L3MBTL2: variants seen among roughly 807,000 people sequenced by gnomAD.
L3MBTL2 encodes the protein L3MBTL histone methyl-lysine binding protein 2.
A neutral mutation model predicts 86.4 loss-of-function variants in L3MBTL2; 49 were observed. That is an observed-to-expected ratio of 0.57 (90% CI 0.45 to 0.72). The LOEUF is 0.72. Ranked by LOEUF, L3MBTL2 falls within the 30% of genes least tolerant of loss-of-function variation. The probability of loss-of-function intolerance (pLI) is 0.00; values close to 1 mark genes in which losing one functional copy is unlikely to be tolerated. For missense variants in L3MBTL2, 755 were observed against 923.7 expected, an observed-to-expected ratio of 0.82 and a Z score of 2.37; for synonymous variants, 336 against 350.6, an observed-to-expected ratio of 0.96 and a Z score of 0.47.
At chr22:41,206,114 C>T (rs2030190556) in intron 1 of L3MBTL2, 1 of 152,184 alleles carries the variant, frequency 6.6e-6, no homozygotes, top group African/African-American at 2.4e-5. Flanking sequence ...TCCCATGTTC[C>T]TGGGATTACA....
At chr22:41,223,365 C>T (rs2031964546) in intron 8 of L3MBTL2, among the ~76,000 whole-genome samples, 1 of 152,232 alleles carries the variant, frequency 6.6e-6, no homozygotes, top group African/African-American at 2.4e-5. Flanking sequence ...ACAAAAAGAA[C>T]CTCCTCCTCT....
chr22:41,220,903 G>C, intron 7 of L3MBTL2, 35 bp downstream of exon 7: 1 of 1,596,486 alleles, frequency 6.3e-7, no homozygotes, highest in Non-Finnish European at 8.6e-7. Context: ...TCTTGTTCCC[G>C]TAGGGCCCCT....
In L3MBTL2 at chr22:41,225,964, C is replaced by G. The variant is rs1368292927; in HGVS notation, c.1504+23C>G. 6.2e-7 allele frequency: 1 copy of G among 1,611,476 alleles called. No individual in the cohort carries two copies. Among genetic ancestry groups the G allele is most frequent in the Non-Finnish European group, 8.5e-7 (1 of 1,179,060 alleles). ...AAGGTAAGACTAGAGAGGCCACCAC[C>G]TGCTGTCCTTGCCATCAGAAGGGGC... On this transcript the variant is annotated intron_variant, in intron 12 of 16. Coordinates refer to ENST00000216237, the MANE Select transcript of L3MBTL2 (RefSeq NM_031488.5). The surrounding 1 kb of genome is among the most constrained non-coding windows in gnomAD (Gnocchi z 4.1).
At position 41,224,818 on chromosome 22, in the gene L3MBTL2, G is replaced by C. The variant is rs775626844; in HGVS notation, c.1251+17G>C. On this transcript the variant is annotated intron_variant, in intron 10 of 16. Transcript: ENST00000216237. The surrounding 1 kb of genome is among the most constrained non-coding windows in gnomAD (Gnocchi z 4.9). Reference sequence around the variant, plus strand: ...TTCAAGAAGGTGAGGTTCAGCTCTTGGGCGCTTTTCCCCTCAGCCATGGGT... The same window carrying C: ...TTCAAGAAGGTGAGGTTCAGCTCTTCGGCGCTTTTCCCCTCAGCCATGGGT... The C allele has an allele frequency of 3.7e-6, 6 of 1,609,644 alleles. No individual in the cohort carries two copies. In the South Asian group the frequency reaches 6.6e-5, roughly 18 times the overall value.
In L3MBTL2 at chr22:41,230,076, T is replaced by TCCACCCC; in HGVS notation, c.2006-61_2006-60insACCCCCC. 10 of 912,386 alleles carry TCCACCCC rather than the reference T, an allele frequency of 1.1e-5. No individual in the cohort carries two copies. In the South Asian group the frequency reaches 1.3e-4, roughly 12 times the overall value. The allele number at this position is 912,386 out of a possible 1,614,324, so 56.5% of individuals were successfully genotyped here. A position where few individuals can be genotyped will look rare whatever the true frequency, so the allele number is the denominator to read the frequency against. Reference sequence around the variant, plus strand: ...GGAGCCAGGTCCCTTTCCCAGCTCCTCCGCCCCCACCCCTCCCAGAGTTAT... The same window carrying TCCACCCC: ...GGAGCCAGGTCCCTTTCCCAGCTCCTCCACCCCCCGCCCCCACCCCTCCCAGAGTTAT... On this transcript the variant is annotated intron_variant, in intron 16 of 16. Transcript: ENST00000216237.
intron 1 of L3MBTL2, chr22:41,208,483 T>C: frequency 3.8e-6 from 1 of 262,766 alleles, no homozygotes; most frequent in South Asian, 3.2e-5. Flanking sequence ...TTATCTCATT[T>C]GCATCTCACG....
intron 3 of L3MBTL2, among the ~76,000 whole-genome samples, chr22:41,215,346 C>A (rs1236531892): frequency 6.6e-6 from 1 of 152,042 alleles, no homozygotes; most frequent in African/African-American, 2.4e-5. Flanking sequence ...GTCCAATTAA[C>A]GATCTTAAAA....
At chr22:41,207,378 C>T (rs1206661956) in intron 1 of L3MBTL2, among the ~76,000 whole-genome samples, 1 of 148,524 alleles carries the variant, frequency 6.7e-6, no homozygotes, top group Non-Finnish European at 1.5e-5. Context: ...CTAACCAAAA[C>T]ACCCAGCTAA....
chr22:41,214,236 C>T (rs112391039), intron 3 of L3MBTL2: 6,692 of 528,168 alleles, frequency 0.013, 62 homozygotes, highest in Non-Finnish European at 0.019. Context: ...CCATTACCTA[C>T]CATCATCCCC....
intron 8 of L3MBTL2, among the ~76,000 whole-genome samples, chr22:41,223,467 A>C (rs574321833): frequency 6.6e-6 from 1 of 152,252 alleles, no homozygotes; most frequent in South Asian, 2.1e-4. Context: ...GCACTGTGAA[A>C]GCACTGCAGA....
Position 41,227,386 on chromosome 22 carries a change from C to T in L3MBTL2, c.1822+63C>T. 6.9e-7 allele frequency: 1 copy of T among 1,459,828 alleles called. No homozygotes were observed. Among genetic ancestry groups the T allele is most frequent in the African/African-American group, 1.4e-5 (1 of 71,298 alleles). The allele number at this position is 1,459,828 out of a possible 1,614,324, so 90.4% of individuals were successfully genotyped here. The stretch of plus-strand genomic sequence containing the variant: ...TTTCCTCTTCTTTTTTCCTTCTTCC[C>T]CCGCCCCTGTGCCCATCTCCGTTCT... On this transcript the variant is annotated intron_variant, in intron 14 of 16. Coordinates refer to ENST00000216237, the MANE Select transcript of L3MBTL2 (RefSeq NM_031488.5). The surrounding 1 kb of genome is among the most constrained non-coding windows in gnomAD (Gnocchi z 6.0).
chr22:41,224,573 G>C lies in L3MBTL2; in HGVS notation c.1175-152G>C, dbSNP rs868030652. ...TTTTCTGGACTCAACCTTTCTGTCT[G>C]CTACTCTGGGGTGGGGGGTCCTGAG... On this transcript the variant is annotated intron_variant, in intron 9 of 16. Coordinates refer to ENST00000216237, the MANE Select transcript of L3MBTL2 (RefSeq NM_031488.5). The surrounding 1 kb of genome is among the most constrained non-coding windows in gnomAD (Gnocchi z 4.9). 1 of 639,320 alleles carries C rather than the reference G, an allele frequency of 1.6e-6. No homozygotes were observed. The allele number at this position is 639,320 out of a possible 1,614,324, so 39.6% of individuals were successfully genotyped here.
intron 4 of L3MBTL2, 27 bp downstream of exon 4, chr22:41,216,289 G>A: frequency 6.2e-7 from 1 of 1,603,594 alleles, no homozygotes; most frequent in Non-Finnish European, 8.5e-7. Context: ...CCCTGCTTAG[G>A]AAGCTGCCGT....
intron 8 of L3MBTL2, 51 bp downstream of exon 8, chr22:41,221,338 C>A: frequency 2.8e-6 from 4 of 1,412,298 alleles, no homozygotes; most frequent in Non-Finnish European, 3.9e-6. Context: ...TTCCATTTTT[C>A]TGCATCCTGC....
Position 41,230,483 on chromosome 22 carries a change from G to C in L3MBTL2, c.*232G>C, listed in dbSNP as rs2032527163. On this transcript the variant is annotated 3_prime_UTR_variant, in exon 17 of 17. Transcript: ENST00000216237. ...ATATGACGGGCCGCCTGAGGCCCCAGAACTCGTCTGTGAACCACCTTTTCC... is the reference window on the plus strand; with the variant it reads ...ATATGACGGGCCGCCTGAGGCCCCACAACTCGTCTGTGAACCACCTTTTCC... 1 of 510,948 alleles carries C rather than the reference G, an allele frequency of 2.0e-6. No individual in the cohort carries two copies. The highest frequency in any genetic ancestry group is 3.4e-5 in the East Asian group (1 of 28,994). 31.7% of individuals were successfully genotyped at this position (510,948 alleles called of 1,614,324 possible).
chr22:41,224,288 T>A lies in L3MBTL2; in HGVS notation c.1174+37T>A. On this transcript the variant is annotated intron_variant, in intron 9 of 16. Coordinates refer to ENST00000216237, the MANE Select transcript of L3MBTL2 (RefSeq NM_031488.5). This position sits in a 1 kb window ranked among gnomAD's most constrained non-coding sequence, Gnocchi z 4.9. ...CCCAGGCCAGAGGGACTGCATGCTG[T>A]GCTTCCCCAGGGACGGAGTGGGAGC... 6.5e-7 allele frequency: 1 copy of A among 1,548,400 alleles called. No individual in the cohort carries two copies. The highest frequency in any genetic ancestry group is 8.9e-7 in the Non-Finnish European group (1 of 1,125,740).
chr22:41,217,028 C>T (rs2031434191), intron 4 of L3MBTL2, 95 bp from the exon 5 acceptor site: 1 of 922,626 alleles, frequency 1.1e-6, no homozygotes, highest in Non-Finnish European at 1.7e-6. Context: ...GGTGGGGGAC[C>T]TACCTCTGCA....
intron 3 of L3MBTL2, among the ~76,000 whole-genome samples, chr22:41,215,750 G>A (rs1045807158): frequency 3.3e-5 from 5 of 151,968 alleles, no homozygotes; most frequent in Non-Finnish European, 5.9e-5. Context: ...CCAAACATTC[G>A]CGTATGTACA....
At chr22:41,216,048 G>A (rs2031332925) in intron 3 of L3MBTL2, 91 bp from the exon 4 acceptor site, 1 of 1,416,922 alleles carries the variant, frequency 7.1e-7, no homozygotes, top group Non-Finnish European at 9.6e-7. Context: ...TTAAGTCACT[G>A]GCCCAAGCCC....
Sources: allele counts gnomAD v4.1 joint callset (sites outside exome capture counted in the v4.1 genomes callset), GRCh38; gene constraint gnomAD v4.1.1; non-coding constraint Gnocchi (gnomAD v3.1); transcripts MANE v1.5; gene names NCBI Gene and HGNC (gene_info 2026-07-23, HGNC 2026-07-21).